The following GALNTL6 variants were observed in gnomAD, a reference collection of about 807,000 sequenced individuals.
GALNTL6 encodes polypeptide N-acetylgalactosaminyltransferase-like 6.
A neutral mutation model predicts 73.7 loss-of-function variants in GALNTL6; 46 were observed. The observed-to-expected ratio is 0.62, with a 90% CI of 0.49 to 0.80. The LOEUF (loss-of-function observed/expected upper bound fraction) is 0.80. Ranked by LOEUF, GALNTL6 falls within the 30% of genes least tolerant of loss-of-function variation. GALNTL6 has a pLI of 0.00. For missense variants in GALNTL6, 604 were observed against 755.0 expected, an observed-to-expected ratio of 0.80 and a Z score of 2.34; for synonymous variants, 259 against 263.7, an observed-to-expected ratio of 0.98 and a Z score of 0.17.
intron 2 of GALNTL6, among the ~76,000 whole-genome samples, chr4:172,186,919 T>C (rs1735432546): frequency 6.6e-6 from 1 of 152,146 alleles, no homozygotes; most frequent in Non-Finnish European, 1.5e-5. Context: ...ATGGTTACGT[T>C]ACATGAATTT....
At chr4:172,987,140 T>G (rs1331676116) in intron 10 of GALNTL6, among the ~76,000 whole-genome samples, 2 of 152,192 alleles carry the variant, frequency 1.3e-5, no homozygotes, top group Non-Finnish European at 2.9e-5. Flanking sequence ...CTTTAGTTCA[T>G]GTATTAGTCC....
intron 5 of GALNTL6, among the ~76,000 whole-genome samples, chr4:172,429,233 A>G (rs547392645): frequency 1.1e-3 from 153 of 143,704 alleles, no homozygotes; most frequent in African/African-American, 4.0e-3. Flanking sequence ...ATTTTTTGAG[A>G]CTGAGTCTCG....
chr4:172,355,141 TAGTC>T (rs1482184642), intron 5 of GALNTL6, among the ~76,000 whole-genome samples: 2 of 152,092 alleles, frequency 1.3e-5, no homozygotes, highest in African/African-American at 4.8e-5. Context: ...AGGGCATTGG[TAGTC>T]AGAACATTGC....
intron 5 of GALNTL6, among the ~76,000 whole-genome samples, chr4:172,766,389 T>G (rs1738408020): frequency 6.6e-6 from 1 of 152,178 alleles, no homozygotes; most frequent in South Asian, 2.1e-4. Context: ...CAAAAAGTCT[T>G]TTTCCCTTTT....
chr4:172,139,743 A>T (rs1379452344), intron 2 of GALNTL6, among the ~76,000 whole-genome samples: 1 of 152,190 alleles, frequency 6.6e-6, no homozygotes, highest in Non-Finnish European at 1.5e-5. Flanking sequence ...CCCTTTTAGA[A>T]ATAGATCATG....
intron 8 of GALNTL6, among the ~76,000 whole-genome samples, chr4:172,884,245 G>A (rs1745601500): frequency 6.6e-6 from 1 of 152,110 alleles, no homozygotes; most frequent in South Asian, 2.1e-4. Flanking sequence ...AACAGTGTAG[G>A]AGCATTCCCC....
chr4:171,888,629 T>C (rs1320906985), intron 2 of GALNTL6, among the ~76,000 whole-genome samples: 3 of 151,932 alleles, frequency 2.0e-5, no homozygotes, highest in Non-Finnish European at 4.4e-5. Flanking sequence ...CCTACCCACA[T>C]TGGTCAAACC....
intron 5 of GALNTL6, among the ~76,000 whole-genome samples, chr4:172,691,023 C>T (rs1391549807): frequency 1.3e-5 from 2 of 152,068 alleles, no homozygotes; most frequent in Non-Finnish European, 2.9e-5. Flanking sequence ...ACATTAAAGA[C>T]CAAACATTTT....
At chr4:172,173,966 G>C (rs1286205004) in intron 2 of GALNTL6, among the ~76,000 whole-genome samples, 2 of 151,814 alleles carry the variant, frequency 1.3e-5, no homozygotes, top group African/African-American at 4.9e-5. Flanking sequence ...AAGATAGTCA[G>C]GGACTTGTAT....
At chr4:171,906,988 C>T (rs535884898) in intron 2 of GALNTL6, among the ~76,000 whole-genome samples, 22 of 152,098 alleles carry the variant, frequency 1.4e-4, no homozygotes, top group African/African-American at 3.6e-4. Flanking sequence ...ATTGATGGGA[C>T]GTATTTCAAA....
At chr4:172,458,271 A>G (rs1043024641) in intron 5 of GALNTL6, among the ~76,000 whole-genome samples, 1 of 151,880 alleles carries the variant, frequency 6.6e-6, no homozygotes, top group Non-Finnish European at 1.5e-5. Flanking sequence ...GAAACCAGGA[A>G]AGATCTAAAA....
chr4:172,219,371 CTTTTG>C (rs542267998), intron 2 of GALNTL6, among the ~76,000 whole-genome samples: 38 of 151,302 alleles, frequency 2.5e-4, no homozygotes, highest in African/African-American at 8.0e-4. Flanking sequence ...GCTATCTAGA[CTTTTG>C]TTTTGTTTTA....
chr4:172,830,497 G>A (rs886581554), intron 7 of GALNTL6, among the ~76,000 whole-genome samples: 4 of 152,092 alleles, frequency 2.6e-5, no homozygotes, highest in Non-Finnish European at 5.9e-5. Flanking sequence ...ACGGACAAAA[G>A]GTCAAAATCT....
intron 2 of GALNTL6, among the ~76,000 whole-genome samples, chr4:171,970,296 T>G (rs894926112): frequency 2.0e-5 from 3 of 152,210 alleles, no homozygotes; most frequent in African/African-American, 7.2e-5. Flanking sequence ...TAAGTTGATC[T>G]TCTCCATCAG....
chr4:172,158,776 T>A (rs1169620053), intron 2 of GALNTL6, among the ~76,000 whole-genome samples: 1 of 152,150 alleles, frequency 6.6e-6, no homozygotes, highest in Non-Finnish European at 1.5e-5. Flanking sequence ...TTATGAGCAA[T>A]TTTTTTCAAT....
chr4:173,028,594 T>C (rs2126529552), intron 12 of GALNTL6, among the ~76,000 whole-genome samples: 1 of 152,280 alleles, frequency 6.6e-6, no homozygotes, highest in Non-Finnish European at 1.5e-5. Flanking sequence ...AAAAAATGTC[T>C]ATATGGCCTG....
At chr4:172,953,979 T>C (rs1749589103) in intron 10 of GALNTL6, among the ~76,000 whole-genome samples, 1 of 152,210 alleles carries the variant, frequency 6.6e-6, no homozygotes, top group African/African-American at 2.4e-5. Context: ...ACAGTTTTTT[T>C]TGTTTGTTTG....
intron 3 of GALNTL6, among the ~76,000 whole-genome samples, chr4:172,251,282 A>G (rs991043721): frequency 1.4e-4 from 21 of 152,092 alleles, no homozygotes; most frequent in African/African-American, 5.1e-4. Context: ...AATAAAGCCC[A>G]CCCACATTAA....
chr4:171,871,832 G>T (rs1736145774), intron 2 of GALNTL6, among the ~76,000 whole-genome samples: 1 of 152,114 alleles, frequency 6.6e-6, no homozygotes, highest in South Asian at 2.1e-4. Flanking sequence ...TAGTCAACAT[G>T]AGCCTTCAAA....
Sources: allele counts gnomAD v4.1 joint callset (sites outside exome capture counted in the v4.1 genomes callset), GRCh38; gene constraint gnomAD v4.1.1; transcripts MANE v1.5; gene names NCBI Gene and HGNC (gene_info 2026-07-23, HGNC 2026-07-21).